Variants in ST3GAL3 observed in about 807,000 individuals in gnomAD.
ST3GAL3 encodes the protein CMP-N-acetylneuraminate-beta-1,4-galactoside alpha-2,3-sialyltransferase.
In ST3GAL3, 21 loss-of-function variants were observed where a neutral mutation model predicts 50.1. The observed-to-expected ratio is 0.42, with a 90% CI of 0.30 to 0.60. ST3GAL3 has a LOEUF of 0.60. Ranked by LOEUF, ST3GAL3 falls within the 20% of genes least tolerant of loss-of-function variation. ST3GAL3 has a pLI of 0.19. For missense variants in ST3GAL3, 353 were observed against 489.4 expected (o/e 0.72, Z 2.63); for synonymous variants, 183 against 190.0 (o/e 0.96, Z 0.30).
At chr1:43,753,842 G>T (rs1047468528) in intron 2 of ST3GAL3, among the ~76,000 whole-genome samples, 2 of 152,238 alleles carry the variant, frequency 1.3e-5, no homozygotes, top group Admixed American at 1.3e-4. Context: ...GCTGCAGCTG[G>T]GTTGAAGGAT....
chr1:43,921,796 T>G (rs1158489550), intron 11 of ST3GAL3: 1 of 398,644 alleles, frequency 2.5e-6, no homozygotes, highest in African/African-American at 2.1e-5. Context: ...GGGACTCTGA[T>G]CTGTCGGGCT....
intron 4 of ST3GAL3, among the ~76,000 whole-genome samples, chr1:43,822,432 A>C (rs1380437494): frequency 1.3e-5 from 2 of 152,146 alleles, no homozygotes; most frequent in African/African-American, 2.4e-5. Flanking sequence ...GGGCAAGAGC[A>C]TGGGGACTTT....
At chr1:43,889,255 CAAG>C (rs1229251780) in intron 5 of ST3GAL3, among the ~76,000 whole-genome samples, 2 of 149,842 alleles carry the variant, frequency 1.3e-5, no homozygotes, top group Non-Finnish European at 3.0e-5. Flanking sequence ...TTACTTATAT[CAAG>C]AAAAAAGGAT....
intron 5 of ST3GAL3, among the ~76,000 whole-genome samples, chr1:43,848,024 C>T (rs1417161931): frequency 6.6e-6 from 1 of 152,110 alleles, no homozygotes; most frequent in African/African-American, 2.4e-5. Flanking sequence ...CTTTATTTTA[C>T]CTTCAATTTT....
chr1:43,819,880 C>T (rs1005141193), intron 4 of ST3GAL3, among the ~76,000 whole-genome samples: 1 of 152,178 alleles, frequency 6.6e-6, no homozygotes, highest in African/African-American at 2.4e-5. Flanking sequence ...ATTTCGTTTT[C>T]TGTTCTGTGT....
intron 9 of ST3GAL3, among the ~76,000 whole-genome samples, chr1:43,911,513 A>G (rs75037475): frequency 1.6e-5 from 2 of 124,798 alleles, no homozygotes; most frequent in African/African-American, 3.1e-5. Flanking sequence ...AGATACATCT[A>G]TAGATATAGA....
At chr1:43,844,352 C>T (rs1224290027) in intron 5 of ST3GAL3, among the ~76,000 whole-genome samples, 2 of 152,212 alleles carry the variant, frequency 1.3e-5, no homozygotes, top group Non-Finnish European at 2.9e-5. Flanking sequence ...CCAACCAGCA[C>T]CCAACATAAG....
At chr1:43,805,406 A>C (rs1439369389) in intron 3 of ST3GAL3, among the ~76,000 whole-genome samples, 1 of 152,238 alleles carries the variant, frequency 6.6e-6, no homozygotes, top group African/African-American at 2.4e-5. Flanking sequence ...AGGAAACCCA[A>C]GGGGCTTGTT....
At chr1:43,798,574 C>G (rs2058958984) in intron 3 of ST3GAL3, among the ~76,000 whole-genome samples, 1 of 152,186 alleles carries the variant, frequency 6.6e-6, no homozygotes, top group Non-Finnish European at 1.5e-5. Flanking sequence ...TTACCTCCTG[C>G]TTTGCGTTGC....
chr1:43,867,735 G>A (rs2071675887), intron 5 of ST3GAL3, among the ~76,000 whole-genome samples: 2 of 152,172 alleles, frequency 1.3e-5, no homozygotes, highest in South Asian at 2.1e-4. Context: ...GTTGTCTTAT[G>A]TCTGGCCCAG....
chr1:43,718,787 A>C (rs940603364), intron 1 of ST3GAL3, among the ~76,000 whole-genome samples: 22 of 145,800 alleles, frequency 1.5e-4, no homozygotes, highest in Non-Finnish European at 2.8e-4. Flanking sequence ...TCCCAGGTTC[A>C]CATGATTCTC....
At chr1:43,916,866 A>G (rs887915499) in intron 9 of ST3GAL3, 3 of 152,136 alleles carry the variant, frequency 2.0e-5, no homozygotes, top group Non-Finnish European at 2.9e-5. Context: ...TGAGCCAGCC[A>G]CCGCACCTGG....
intron 5 of ST3GAL3, among the ~76,000 whole-genome samples, chr1:43,853,258 T>G (rs2067683583): frequency 6.6e-6 from 1 of 152,196 alleles, no homozygotes; most frequent in South Asian, 2.1e-4. Flanking sequence ...CCAAGCCACG[T>G]CCATGCTGCA....
chr1:43,866,798 C>T (rs2071423362), intron 5 of ST3GAL3, among the ~76,000 whole-genome samples: 1 of 151,970 alleles, frequency 6.6e-6, no homozygotes, highest in Admixed American at 6.6e-5. Flanking sequence ...GGAGACCTCA[C>T]AAGTCACTCC....
intron 3 of ST3GAL3, among the ~76,000 whole-genome samples, chr1:43,805,883 G>A (rs973429652): frequency 7.2e-5 from 11 of 152,042 alleles, no homozygotes; most frequent in African/African-American, 2.2e-4. Context: ...TTACAGGCAC[G>A]CACCACCACA....
In ST3GAL3 at chr1:43,759,059, GCGCGCGCACA is replaced by G. The variant is rs1369864247; in HGVS notation, c.118+22681_118+22690del. On this transcript the variant is annotated intron_variant, in intron 2 of 11. Transcript: ENST00000347631. ...ACTGTCTCCTAAAAAACAAACAAAA[GCGCGCGCACA>G]CACACACACACACACACACACACAC... 9.8e-4 allele frequency among the ~76,000 whole-genome samples: 65 copies of G among 66,268 alleles called. 1 individual carries two copies. The highest frequency in any genetic ancestry group is 2.9e-3 in the African/African-American group (42 of 14,548). The allele number at this position is 66,268 out of a possible 152,430, so 43.5% of individuals were successfully genotyped here. A position where few individuals can be genotyped will look rare whatever the true frequency, so the allele number is the denominator to read the frequency against.
intron 1 of ST3GAL3, among the ~76,000 whole-genome samples, chr1:43,719,658 CT>C (rs1669324603): frequency 6.9e-6 from 1 of 145,062 alleles, no homozygotes; most frequent in Non-Finnish European, 1.5e-5. Flanking sequence ...AAGTGAAACT[CT>C]GTCTCAAAAA....
chr1:43,850,367 A>G, intron 5 of ST3GAL3: 1 of 558,810 alleles, frequency 1.8e-6, no homozygotes, highest in Admixed American at 2.1e-5. Flanking sequence ...GAGCCTGCAC[A>G]CACCCCTGGT....
chr1:43,873,899 A>G (rs1246312386), intron 5 of ST3GAL3, among the ~76,000 whole-genome samples: 8 of 152,192 alleles, frequency 5.3e-5, no homozygotes. Flanking sequence ...GGATGAGATC[A>G]CCAAATAAGT....
Sources: allele counts gnomAD v4.1 joint callset (sites outside exome capture counted in the v4.1 genomes callset), GRCh38; gene constraint gnomAD v4.1.1; transcripts MANE v1.5; gene names NCBI Gene and HGNC (gene_info 2026-07-23, HGNC 2026-07-21).